The following ALMS1 variants were observed in gnomAD, a reference collection of about 807,000 sequenced individuals.
ALMS1 encodes the protein centrosome-associated protein ALMS1.
In ALMS1, 271 loss-of-function variants were observed where a neutral mutation model predicts 352.2. The observed-to-expected ratio is 0.77, with a 90% CI of 0.70 to 0.85. The LOEUF is 0.85. Ranked by LOEUF, ALMS1 falls within the 40% of genes least tolerant of loss-of-function variation. The probability of loss-of-function intolerance (pLI) is 0.00; values close to 1 mark genes in which losing one functional copy is unlikely to be tolerated. For synonymous variants in ALMS1, 1,865 were observed against 1,761.2 expected, an observed-to-expected ratio of 1.06 and a Z score of -1.48; for missense variants, 5,445 against 4,870.7, an observed-to-expected ratio of 1.12 and a Z score of -3.51.
chr2:73,489,721 C>T lies in ALMS1; in HGVS notation c.7762C>T (p.Arg2588Trp), dbSNP rs45544032. ...TGAGAGCCATGAAAAGGGATGTTTC[C>T]GGACTCTAACTTCTGAACATCCACA... is the stretch of plus-strand genomic sequence containing the variant. ...IIESHEKGCF[R>W]TLTSEHPQLD... Residue 2588 changes from arginine to tryptophan, a missense_variant, in exon 10 of 23, where the codon CGG becomes TGG. Transcript: ENST00000613296. 2.4e-5 allele frequency: 38 copies of T among 1,613,932 alleles called. 1 individual carries two copies. The highest frequency in any genetic ancestry group is 8.8e-5 in the South Asian group (8 of 91,084).
chr2:73,477,733 T>C (rs1672611248), intron 9 of ALMS1, among the ~76,000 whole-genome samples: 1 of 152,196 alleles, frequency 6.6e-6, no homozygotes, highest in Non-Finnish European at 1.5e-5. Context: ...TTTCTTGCTG[T>C]TGTAAATTGA....
chr2:73,413,895 A>G (rs185629966), intron 2 of ALMS1, among the ~76,000 whole-genome samples: 13 of 152,248 alleles, frequency 8.5e-5, no homozygotes, highest in African/African-American at 2.4e-4. Context: ...ATTGATTTAC[A>G]TATGTATCCT....
intron 10 of ALMS1, among the ~76,000 whole-genome samples, chr2:73,501,422 A>T (rs1161730713): frequency 6.6e-6 from 1 of 151,980 alleles, no homozygotes; most frequent in African/African-American, 2.4e-5. Flanking sequence ...CTGTATTTTC[A>T]TGTAGAAATG....
chr2:73,517,415 A>G (rs116231295), intron 10 of ALMS1, among the ~76,000 whole-genome samples: 2,489 of 149,242 alleles, frequency 0.017, 68 homozygotes, highest in African/African-American at 0.058. Context: ...CACTGTGCCT[A>G]TTTTTTTTAT....
intron 9 of ALMS1, among the ~76,000 whole-genome samples, chr2:73,459,936 C>G (rs1440774822): frequency 1.3e-5 from 2 of 152,038 alleles, no homozygotes; most frequent in African/African-American, 4.8e-5. Context: ...ACACGCACCC[C>G]CCTCTCCCCT....
In ALMS1 at chr2:73,587,681, G is replaced by A. The variant is rs369316883; in HGVS notation, c.11548-11720G>A. ...ATATGCTGTTGGATTTGGTTAGCTGGTATTTTGTTGAGGACTTTTGCATCT... is the reference window on the plus strand; with the variant it reads ...ATATGCTGTTGGATTTGGTTAGCTGATATTTTGTTGAGGACTTTTGCATCT... On this transcript the variant is annotated intron_variant, in intron 16 of 22. Coordinates refer to ENST00000613296, the MANE Select transcript of ALMS1 (RefSeq NM_001378454.1). Among the ~76,000 whole-genome samples the A allele has an allele frequency of 8.5e-5, 13 of 152,272 alleles. No individual in the cohort carries two copies. The East Asian group carries it at 1.3e-3, about 16-fold the overall frequency.
At chr2:73,430,116 G>A (rs1361263479) in intron 6 of ALMS1, among the ~76,000 whole-genome samples, 1 of 124,900 alleles carries the variant, frequency 8.0e-6, no homozygotes, top group Non-Finnish European at 1.6e-5. Flanking sequence ...TCCCACTGTT[G>A]CCCAGGCTGG....
chr2:73,521,948 A>G (rs761450245), intron 11 of ALMS1, among the ~76,000 whole-genome samples: 7 of 152,138 alleles, frequency 4.6e-5, no homozygotes, highest in Non-Finnish European at 8.8e-5. Context: ...TGTTTTTTGT[A>G]CAAAACATTT....
Position 73,603,226 on chromosome 2 carries a change from T to C in ALMS1, c.12299-15T>C, listed in dbSNP as rs1553422033. On this transcript the variant is annotated splice_polypyrimidine_tract_variant and intron_variant, in intron 20 of 22. Transcript: ENST00000613296. ...AAGTCACTGTCCACTGAAAACCCTT[T>C]CTTCTCTTGCCTAGTCTTCCTGGCT... 2 of 1,613,896 alleles carry C rather than the reference T, an allele frequency of 1.2e-6. No homozygotes were observed. The highest frequency in any genetic ancestry group is 1.7e-6 in the Non-Finnish European group (2 of 1,179,820).
chr2:73,564,465 C>CAAAAAAAAAAAA (rs367797062), intron 15 of ALMS1, among the ~76,000 whole-genome samples: 1 of 63,362 alleles, frequency 1.6e-5, no homozygotes, highest in Non-Finnish European at 3.4e-5. Context: ...GACTCCGTCT[C>CAAAAAAAAAAAA]AAAAAAAAAA....
intron 6 of ALMS1, among the ~76,000 whole-genome samples, chr2:73,426,893 A>G (rs1671391659): frequency 6.6e-6 from 1 of 152,196 alleles, no homozygotes; most frequent in Non-Finnish European, 1.5e-5. Context: ...AAAATACTTT[A>G]TTTGAAAAAT....
In ALMS1 at chr2:73,519,829, T is replaced by C; in HGVS notation, c.9594T>C (p.Ser3198=). Residue 3198 remains serine (S), a synonymous_variant, in exon 11 of 23, where the codon TCT becomes TCC. Coordinates refer to ENST00000613296, the MANE Select transcript of ALMS1 (RefSeq NM_001378454.1). ...PLSAFSEKLS[S]DAVTQITTES... is the part of the protein sequence containing the mutation. ...CTGCTTTCTCTGAAAAATTGTCATC[T>C]GATGCAGTCACTCAGATAACAACAG... is the stretch of plus-strand genomic sequence containing the variant. 2 of 1,614,062 alleles carry C rather than the reference T, an allele frequency of 1.2e-6. No homozygotes were observed. The highest frequency in any genetic ancestry group is 1.7e-6 in the Non-Finnish European group (2 of 1,179,912).
intron 16 of ALMS1, among the ~76,000 whole-genome samples, chr2:73,595,558 T>C (rs1056214610): frequency 6.6e-6 from 1 of 152,230 alleles, no homozygotes; most frequent in South Asian, 2.1e-4. Flanking sequence ...ACATTTGGAT[T>C]GTTTGATTTT....
intron 11 of ALMS1, among the ~76,000 whole-genome samples, chr2:73,520,632 C>A (rs1673657058): frequency 6.6e-6 from 1 of 152,158 alleles, no homozygotes; most frequent in Admixed American, 6.6e-5. Flanking sequence ...CAGGTCAGGT[C>A]TGGAAGTAAC....
intron 7 of ALMS1, among the ~76,000 whole-genome samples, chr2:73,441,530 C>A (rs936922311): frequency 1.3e-5 from 2 of 152,078 alleles, no homozygotes; most frequent in African/African-American, 2.4e-5. Context: ...CTGGGCTGCC[C>A]GTTTCTTGGT....
intron 2 of ALMS1, among the ~76,000 whole-genome samples, chr2:73,415,415 GA>G (rs1376292987): frequency 6.6e-6 from 1 of 151,948 alleles, no homozygotes; most frequent in East Asian, 1.9e-4. Context: ...GGAAATCACT[GA>G]AAAAAATTTG....
chr2:73,534,761 A>G (rs1004985245), intron 11 of ALMS1, 63 bp from the exon 12 acceptor site: 46 of 1,562,872 alleles, frequency 2.9e-5, no homozygotes, highest in African/African-American at 5.4e-5. Flanking sequence ...AAGGCATTCC[A>G]TATTTGTTCA....
chr2:73,557,331 A>G lies in ALMS1; in HGVS notation c.10190A>G (p.Glu3397Gly). The G allele has an allele frequency of 6.2e-7, 1 of 1,614,152 alleles. No individual in the cohort carries two copies. Among genetic ancestry groups the G allele is most frequent in the Non-Finnish European group, 8.5e-7 (1 of 1,180,004 alleles). Residue 3397 changes from glutamate (E) to glycine (G), a missense_variant, in exon 14 of 23, where the codon GAA (glutamate) becomes GGA (glycine). Physicochemically the swap from Glu to Gly is moderately conservative, Grantham distance 98 (BLOSUM62 -2). Coordinates refer to ENST00000613296, the MANE Select transcript of ALMS1 (RefSeq NM_001378454.1). ...GAGGCTGCCCAGGCTAAAGAAAAAGAATCTTTGCAGAAAGATACTGCAGGT... is the reference window on the plus strand; with the variant it reads ...GAGGCTGCCCAGGCTAAAGAAAAAGGATCTTTGCAGAAAGATACTGCAGGT... Reference protein sequence around the residue: ...VTEAAQAKEKESLQKDTADSS... With the variant: ...VTEAAQAKEKGSLQKDTADSS...
intron 9 of ALMS1, among the ~76,000 whole-genome samples, chr2:73,480,763 C>A (rs1672683315): frequency 6.6e-6 from 1 of 150,576 alleles, no homozygotes; most frequent in Non-Finnish European, 1.5e-5. Flanking sequence ...TTAATGATTG[C>A]CATTCTAACT....
Sources: gnomAD v4.1 joint callset for allele counts (sites outside exome capture counted in the v4.1 genomes callset) on GRCh38, gnomAD v4.1.1 for gene constraint, MANE v1.5 for transcripts, NCBI Gene and HGNC (gene_info 2026-07-23, HGNC 2026-07-21) for gene names.